INSYN2A: variants seen among roughly 807,000 people sequenced by gnomAD.
INSYN2A encodes family with sequence similarity 196 member A.
Under a neutral mutation model 39.4 loss-of-function variants are expected in INSYN2A, and 17 were observed. That is an observed-to-expected ratio of 0.43 (90% confidence interval 0.30 to 0.65). INSYN2A has a LOEUF of 0.65. Among genes scored for constraint, INSYN2A ranks in the 30% least tolerant of loss-of-function variants. The pLI is 0.14. For synonymous variants in INSYN2A, 255 were observed against 265.7 expected (o/e 0.96, Z 0.39); for missense variants, 595 against 631.2 (o/e 0.94, Z 0.61).
In INSYN2A at chr10:127,137,904, G is replaced by C; in HGVS notation, c.1373C>G (p.Ser458Ter). ...AGTTTTGGATTTTTGCTTGGGAGTTGAGGAGTAAGTCTCCTGAGAGTAAGG... is the reference window on the plus strand; with the variant it reads ...AGTTTTGGATTTTTGCTTGGGAGTTCAGGAGTAAGTCTCCTGAGAGTAAGG... ...PSPYSQETYS[S>*]TPKQKSKTES... Residue 458 changes from serine to a stop codon, truncating the protein, a stop_gained, in exon 6 of 6, where the codon TCA becomes TGA. Coordinates refer to ENST00000522781, the MANE Select transcript of INSYN2A (RefSeq NM_001039762.3). LOFTEE classifies it high-confidence loss of function. 1 of 1,614,134 alleles carries C rather than the reference G, an allele frequency of 6.2e-7. No individual in the cohort carries two copies. Among genetic ancestry groups the C allele is most frequent in the Non-Finnish European group, 8.5e-7 (1 of 1,179,996 alleles).
At position 127,175,076 on chromosome 10, in the gene INSYN2A, C is replaced by T. The variant is rs1236008298; in HGVS notation, c.1184+136G>A. On this transcript the variant is annotated intron_variant, in intron 4 of 5. Transcript: ENST00000522781. This position sits in a 1 kb window ranked among gnomAD's most constrained non-coding sequence, Gnocchi z 6.3. Reference sequence around the variant, plus strand: ...AAATAATCTGCGACCCCTTGGAGCTCGCCACGCCCTTAGACTATGACCTGT... The same window carrying T: ...AAATAATCTGCGACCCCTTGGAGCTTGCCACGCCCTTAGACTATGACCTGT... 15 of 743,012 alleles carry T rather than the reference C, an allele frequency of 2.0e-5. No homozygotes were observed. The highest frequency in any genetic ancestry group is 3.3e-4 in the Middle Eastern group (1 of 3,034). 46.0% of individuals were successfully genotyped at this position (743,012 alleles called of 1,614,324 possible). A position where few individuals can be genotyped will look rare whatever the true frequency, so the allele number is the denominator to read the frequency against.
At chr10:127,195,647 T>G (rs1405860266) in intron 1 of INSYN2A, among the ~76,000 whole-genome samples, 2 of 152,092 alleles carry the variant, frequency 1.3e-5, no homozygotes, top group Admixed American at 1.3e-4. Context: ...TTTGCCTGGC[T>G]AGGGCTGTCG....
At chr10:127,192,347 A>G (rs1224049366) in intron 2 of INSYN2A, among the ~76,000 whole-genome samples, 10 of 152,242 alleles carry the variant, frequency 6.6e-5, no homozygotes, top group African/African-American at 2.4e-4. Context: ...ATTTAGAATC[A>G]TAATTCCTGC....
chr10:127,153,476 T>A (rs2052709914), intron 5 of INSYN2A, among the ~76,000 whole-genome samples: 1 of 152,192 alleles, frequency 6.6e-6, no homozygotes, highest in Admixed American at 6.5e-5. Flanking sequence ...TCCATGGTAT[T>A]CCTAGCACAT....
intron 5 of INSYN2A, among the ~76,000 whole-genome samples, chr10:127,143,026 G>A (rs951226593): frequency 5.9e-5 from 9 of 152,182 alleles, no homozygotes; most frequent in East Asian, 5.8e-4. Context: ...ACTTCTCCCC[G>A]CTGCCGCATG....
In INSYN2A at chr10:127,141,079, C is replaced by T. The variant is rs11016438; in HGVS notation, c.1257-3059G>A. ...CTTCATGATTATCACTTTCTCCCCA[C>T]CTGAAACGCCTTTCTGGGCTCATGG... On this transcript the variant is annotated intron_variant, in intron 5 of 5. Transcript: ENST00000522781. Among the ~76,000 whole-genome samples the T allele has an allele frequency of 6.6e-3, 999 of 152,310 alleles. 4 individuals carry two copies. Among genetic ancestry groups the T allele is most frequent in the Admixed American group, 0.012 (177 of 15,306 alleles).
rs988969001 is a variant in INSYN2A at position 127,136,925 on chromosome 10, A to C, written c.*912T>G. Reference sequence around the variant, plus strand: ...TCTCGGAGGATCGATCCACAAAAACACTGTCTGCCATGGCACAGAATGCCT... The same window carrying C: ...TCTCGGAGGATCGATCCACAAAAACCCTGTCTGCCATGGCACAGAATGCCT... On this transcript the variant is annotated 3_prime_UTR_variant, in exon 6 of 6. Coordinates refer to ENST00000522781, the MANE Select transcript of INSYN2A (RefSeq NM_001039762.3). 6.6e-6 allele frequency: 1 copy of C among 152,564 alleles called. No individual in the cohort carries two copies. The highest frequency in any genetic ancestry group is 2.4e-5 in the African/African-American group (1 of 41,432). The allele number at this position is 152,564 out of a possible 1,614,324, so 9.5% of individuals were successfully genotyped here. A position where few individuals can be genotyped will look rare whatever the true frequency, so the allele number is the denominator to read the frequency against.
chr10:127,162,660 TA>T (rs1236611289), intron 4 of INSYN2A, among the ~76,000 whole-genome samples: 1 of 152,190 alleles, frequency 6.6e-6, no homozygotes, highest in African/African-American at 2.4e-5. Flanking sequence ...TGGTCTCATT[TA>T]ACATGTCAGG....
chr10:127,196,130 C>T lies in INSYN2A; in HGVS notation c.-528G>A, dbSNP rs2057120999. ...TCCGCGGCCAGACTCGCCGCGCTCA[C>T]GCGGAGGAAGCCTCGGCTCCGGGGA... On this transcript the variant is annotated 5_prime_UTR_variant, in exon 1 of 6. It adds an upstream start codon to the 5' untranslated region. Transcript: ENST00000522781. The T allele has an allele frequency of 6.6e-6, 1 of 151,730 alleles. No homozygotes were observed. Among genetic ancestry groups the T allele is most frequent in the Non-Finnish European group, 1.5e-5 (1 of 67,946 alleles). 9.4% of individuals were successfully genotyped at this position (151,730 alleles called of 1,614,324 possible).
chr10:127,138,016 C>G lies in INSYN2A; in HGVS notation c.1261G>C (p.Glu421Gln). The change falls in exon 6 of 6, where the codon GAG becomes CAG. Residue 421 changes from glutamate to glutamine, a missense_variant. Glu to Gln is a conservative substitution (Grantham distance 29). This residue lies in a region of INSYN2A where 117 missense variants were observed against 163.8 expected (regional missense o/e 0.71). Coordinates refer to ENST00000522781, the MANE Select transcript of INSYN2A (RefSeq NM_001039762.3). ...RNSACIIYSV[E>Q]LDFKQQEDKL... is the part of the protein sequence containing the mutation. ...TCTTCTTGCTGCTTAAAATCCAGCT[C>G]CACACTAGAAAAGAGAGAGAGTGAA... 1 of 1,607,378 alleles carries G rather than the reference C, an allele frequency of 6.2e-7. No homozygotes were observed. The highest frequency in any genetic ancestry group is 8.5e-7 in the Non-Finnish European group (1 of 1,178,134).
chr10:127,169,799 A>G (rs1416367608), intron 4 of INSYN2A, among the ~76,000 whole-genome samples: 1 of 152,174 alleles, frequency 6.6e-6, no homozygotes, highest in East Asian at 1.9e-4. Flanking sequence ...CCTCTTAAGT[A>G]TGTGTATGTG....
chr10:127,159,969 G>C (rs1457723032), intron 4 of INSYN2A, among the ~76,000 whole-genome samples: 1 of 152,152 alleles, frequency 6.6e-6, no homozygotes, highest in Non-Finnish European at 1.5e-5. Flanking sequence ...TGTTAGGAAG[G>C]GTGTTGAGAA....
At chr10:127,139,833 G>A (rs59393011) in intron 5 of INSYN2A, among the ~76,000 whole-genome samples, 2,248 of 152,164 alleles carry the variant, frequency 0.015, 62 homozygotes, top group African/African-American at 0.051. Flanking sequence ...GCCCATGAAC[G>A]AGCCTCCTAA....
intron 4 of INSYN2A, among the ~76,000 whole-genome samples, chr10:127,162,762 G>A (rs11016553): frequency 1.4e-3 from 216 of 152,290 alleles, no homozygotes; most frequent in Non-Finnish European, 2.0e-3. Flanking sequence ...ATAACGAGCC[G>A]GCCTCCCCAG....
At position 127,175,413 on chromosome 10, in the gene INSYN2A, G is replaced by T; in HGVS notation, c.983C>A (p.Pro328Gln). The T allele has an allele frequency of 1.2e-5, 19 of 1,613,486 alleles. No individual in the cohort carries two copies. Among genetic ancestry groups the T allele is most frequent in the Non-Finnish European group, 1.5e-5 (18 of 1,180,028 alleles). The change falls in exon 4 of 6, where the codon CCG becomes CAG. Residue 328 changes from proline (P) to glutamine (Q), a missense_variant. Pro to Gln is a moderately conservative substitution (Grantham distance 76). Transcript: ENST00000522781. The surrounding 1 kb of genome is among the most constrained non-coding windows in gnomAD (Gnocchi z 6.3). ...ACTAGGCTGGTTCCCCAGCCCCGGC[G>T]GGGTGTGAGTCTGCGACGGCTGCTC... ...CSEQPSQTHTPPGLGNQPSPT... is the reference protein window; with the variant it reads ...CSEQPSQTHTQPGLGNQPSPT...
In INSYN2A at chr10:127,148,572, C is replaced by T. The variant is rs145106153; in HGVS notation, c.1256+5280G>A. Among the ~76,000 whole-genome samples the T allele has an allele frequency of 9.2e-4, 140 of 152,202 alleles. 1 individual carries two copies. The highest frequency in any genetic ancestry group is 7.0e-3 in the East Asian group (36 of 5,170). Reference sequence around the variant, plus strand: ...GCGAAGGAGAGAATGGCTGGTTTGCCGATGATGTTTCATTGTTCCTTTCTG... The same window carrying T: ...GCGAAGGAGAGAATGGCTGGTTTGCTGATGATGTTTCATTGTTCCTTTCTG... On this transcript the variant is annotated intron_variant, in intron 5 of 5. Transcript: ENST00000522781.
intron 4 of INSYN2A, among the ~76,000 whole-genome samples, chr10:127,165,147 G>A (rs537656360): frequency 6.6e-6 from 1 of 152,316 alleles, no homozygotes; most frequent in Non-Finnish European, 1.5e-5. Flanking sequence ...GTTCGAATTT[G>A]AAAGCATTAA....
At chr10:127,166,354 C>T (rs922688337) in intron 4 of INSYN2A, among the ~76,000 whole-genome samples, 5 of 151,886 alleles carry the variant, frequency 3.3e-5, no homozygotes, top group East Asian at 2.0e-4. Context: ...CGTGAGCCAC[C>T]GCGCCCGGCC....
At chr10:127,173,286 A>G (rs979285451) in intron 4 of INSYN2A, among the ~76,000 whole-genome samples, 2 of 152,190 alleles carry the variant, frequency 1.3e-5, no homozygotes, top group Non-Finnish European at 2.9e-5. Context: ...AGGTGAAGAA[A>G]GAAGGCACAG....
Sources: allele counts gnomAD v4.1 joint callset (sites outside exome capture counted in the v4.1 genomes callset), GRCh38; gene constraint gnomAD v4.1.1; regional missense constraint gnomAD v4.1.1; non-coding constraint Gnocchi (gnomAD v3.1); transcripts MANE v1.5; gene names NCBI Gene and HGNC (gene_info 2026-07-23, HGNC 2026-07-21).